The following CFAP418 variants were observed in gnomAD, a reference collection of about 807,000 sequenced individuals.
CFAP418 encodes cilia and flagella associated protein 418, also known as cilia- and flagella-associated protein 418.
Under a neutral mutation model 24.7 loss-of-function variants are expected in CFAP418, and 27 were observed. The ratio of observed to expected loss-of-function variants is 1.09; its 90% CI spans 0.81 to 1.51. The LOEUF (loss-of-function observed/expected upper bound fraction) is 1.51. CFAP418 is among the 40% of genes most tolerant of loss of function. CFAP418 has a pLI of 0.00. For missense variants in CFAP418, 257 were observed against 255.2 expected (o/e 1.01, Z -0.05); for synonymous variants, 74 against 87.3 (o/e 0.85, Z 0.85).
chr8:95,260,008 T>A (rs976349149), intron 3 of CFAP418, 103 bp from the exon 4 acceptor site: 1 of 799,830 alleles, frequency 1.3e-6, no homozygotes, highest in African/African-American at 1.8e-5. Context: ...GACTTTATGT[T>A]CTTGTAATCA....
chr8:95,266,865 G>A (rs1811990133), intron 1 of CFAP418, among the ~76,000 whole-genome samples: 1 of 152,216 alleles, frequency 6.6e-6, no homozygotes, highest in South Asian at 2.1e-4. Flanking sequence ...GAACAGGCAT[G>A]ACACAACCCA....
Position 95,246,604 on chromosome 8 carries a change from G to A in CFAP418, c.*1013C>T, listed in dbSNP as rs2132150766. On this transcript the variant is annotated 3_prime_UTR_variant, in exon 6 of 6. Transcript: ENST00000286688. ...GCTCCCAAAATCTCTCAATGGGGTT[G>A]GGAGCTAGAAATTTTGAGGGACCTG... 6.6e-6 allele frequency: 1 copy of A among 152,176 alleles called. No individual in the cohort carries two copies. The highest frequency in any genetic ancestry group is 2.4e-5 in the African/African-American group (1 of 41,442). 9.4% of individuals were successfully genotyped at this position (152,176 alleles called of 1,614,324 possible). A position where few individuals can be genotyped will look rare whatever the true frequency, so the allele number is the denominator to read the frequency against.
intron 3 of CFAP418, 44 bp downstream of exon 3, chr8:95,260,411 ATGCTCATAGTGTT>A (rs1811866600): frequency 8.1e-7 from 1 of 1,241,904 alleles, no homozygotes; most frequent in African/African-American, 1.6e-5. Flanking sequence ...CTACTAGACT[ATGCTCATAGTGTT>A]TGCTCAATAG....
At chr8:95,262,410 C>T (rs1200416514) in intron 2 of CFAP418, among the ~76,000 whole-genome samples, 1 of 152,150 alleles carries the variant, frequency 6.6e-6, no homozygotes, top group Admixed American at 6.5e-5. Context: ...CATATTCTTA[C>T]CACAACCATT....
At position 95,260,525 on chromosome 8, in the gene CFAP418, T is replaced by G. The variant is rs1811870016; in HGVS notation, c.251A>C (p.Lys84Thr). 2 of 1,580,068 alleles carry G rather than the reference T, an allele frequency of 1.3e-6. No individual in the cohort carries two copies. The highest frequency in any genetic ancestry group is 1.7e-6 in the Non-Finnish European group (2 of 1,168,820). ...PNLDKKPSKLKSKSSGNTSVR... is the reference protein window; with the variant it reads ...PNLDKKPSKLTSKSSGNTSVR... ...AGATGTGTTACCTGAAGATTTAGAT[T>G]TTAATTTCTGTTAAAAAAGCAAAAC... is the stretch of plus-strand genomic sequence containing the variant. The change falls in exon 3 of 6, where the codon AAA (lysine) becomes ACA (threonine). Residue 84 changes from lysine (K) to threonine (T), a missense_variant. Physicochemically the swap from Lys to Thr is moderately conservative, Grantham distance 78. Coordinates refer to ENST00000286688, the MANE Select transcript of CFAP418 (RefSeq NM_177965.4).
chr8:95,264,741 C>G (rs1314251204), intron 1 of CFAP418, among the ~76,000 whole-genome samples: 1 of 152,290 alleles, frequency 6.6e-6, no homozygotes, highest in East Asian at 1.9e-4. Flanking sequence ...CATAGGCCTT[C>G]TTCATTACAT....
At chr8:95,254,785 T>C (rs1811761635) in intron 4 of CFAP418, among the ~76,000 whole-genome samples, 1 of 152,168 alleles carries the variant, frequency 6.6e-6, no homozygotes, top group Non-Finnish European at 1.5e-5. Context: ...ATTCTTCCCA[T>C]ATTACATGGC....
chr8:95,268,844 G>A (rs1812074623), intron 1 of CFAP418, 191 bp downstream of exon 1: 2 of 602,844 alleles, frequency 3.3e-6, no homozygotes, highest in Admixed American at 5.5e-5. Context: ...TGAGTGAAGA[G>A]GTGCCAGAAT....
chr8:95,257,995 G>A (rs1811819148), intron 4 of CFAP418, among the ~76,000 whole-genome samples: 1 of 152,176 alleles, frequency 6.6e-6, no homozygotes, highest in Non-Finnish European at 1.5e-5. Context: ...GCAAGATGTG[G>A]AAGTGCAGGA....
chr8:95,268,923 G>A (rs1812083011), intron 1 of CFAP418, 112 bp downstream of exon 1: 8 of 1,183,190 alleles, frequency 6.8e-6, no homozygotes, highest in Admixed American at 4.4e-5. Context: ...CCTGATGCAA[G>A]GAGGGGCTGG....
chr8:95,261,626 C>A (rs1158228781), intron 2 of CFAP418, among the ~76,000 whole-genome samples: 1 of 151,434 alleles, frequency 6.6e-6, no homozygotes. Context: ...TTTTTTTTTC[C>A]CAATAAATGT....
chr8:95,247,916 C>T (rs1278106544), intron 5 of CFAP418, 146 bp from the exon 6 acceptor site: 1 of 816,522 alleles, frequency 1.2e-6, no homozygotes, highest in Non-Finnish European at 1.8e-6. Context: ...TGCGGTGGCA[C>T]AATCATGGCT....
In CFAP418 at chr8:95,258,339, G is replaced by A. The variant is rs555006471; in HGVS notation, c.374+1501C>T. On this transcript the variant is annotated intron_variant, in intron 4 of 5. Coordinates refer to ENST00000286688, the MANE Select transcript of CFAP418 (RefSeq NM_177965.4). ...GGAGCTTGCAGAGAGCCGAGACTGC[G>A]CCACTGCACTCCAGCCTGGGCGACA... 2.5e-4 allele frequency among the ~76,000 whole-genome samples: 33 copies of A among 133,498 alleles called. 1 individual carries two copies. The highest frequency in any genetic ancestry group is 4.9e-3 in the Middle Eastern group (1 of 204). 87.6% of individuals were successfully genotyped at this position (133,498 alleles called of 152,430 possible). A position where few individuals can be genotyped will look rare whatever the true frequency, so the allele number is the denominator to read the frequency against.
intron 3 of CFAP418, 47 bp downstream of exon 3, chr8:95,260,421 T>C: frequency 1.5e-6 from 2 of 1,305,472 alleles, no homozygotes; most frequent in South Asian, 2.6e-5. Flanking sequence ...ATGCTCATAG[T>C]GTTTGCTCAA....
chr8:95,264,022 A>G (rs1160417405), intron 1 of CFAP418, among the ~76,000 whole-genome samples: 1 of 152,228 alleles, frequency 6.6e-6, no homozygotes, highest in East Asian at 1.9e-4. Context: ...ATTTACAGCT[A>G]TATACATTAT....
chr8:95,250,560 G>A (rs536593518), intron 5 of CFAP418, among the ~76,000 whole-genome samples: 1 of 152,264 alleles, frequency 6.6e-6, no homozygotes, highest in East Asian at 1.9e-4. Context: ...GGTGACATAT[G>A]GGGATTATTA....
In CFAP418 at chr8:95,245,917, C is replaced by T. The variant is rs1229694476; in HGVS notation, c.*1700G>A. ...CTTCAATCGACATCCCCCTAGGTTT[C>T]TGACTCAATTACATATAGATATAAC... On this transcript the variant is annotated 3_prime_UTR_variant, in exon 6 of 6. Transcript: ENST00000286688. 1 of 151,992 alleles carries T rather than the reference C, an allele frequency of 6.6e-6. No individual in the cohort carries two copies. The highest frequency in any genetic ancestry group is 1.9e-4 in the East Asian group (1 of 5,192). 9.4% of individuals were successfully genotyped at this position (151,992 alleles called of 1,614,324 possible).
At chr8:95,249,029 AGG>A (rs1415365264) in intron 5 of CFAP418, among the ~76,000 whole-genome samples, 1 of 152,200 alleles carries the variant, frequency 6.6e-6, no homozygotes, top group Non-Finnish European at 1.5e-5. Context: ...GACTTAGCTA[AGG>A]GAAGAAATGA....
rs1262940228 is a variant in CFAP418 at position 95,269,070 on chromosome 8, G to C, written c.120C>G (p.Ser40Arg). ...PKGCGGGTHS[S>R]DRNQAKAKET... is the part of the protein sequence containing the mutation. ...CTTTCGCCTTGGCTTGGTTCCGGTCGCTACTGTGGGTGCCGCCGCCGCAGC... is the reference window on the plus strand; with the variant it reads ...CTTTCGCCTTGGCTTGGTTCCGGTCCCTACTGTGGGTGCCGCCGCCGCAGC... Residue 40 changes from serine (S) to arginine (R), a missense_variant, in exon 1 of 6, where the codon AGC becomes AGG. Coordinates refer to ENST00000286688, the MANE Select transcript of CFAP418 (RefSeq NM_177965.4). 3.5e-5 allele frequency: 56 copies of C among 1,614,028 alleles called. No individual in the cohort carries two copies. Among genetic ancestry groups the C allele is most frequent in the Admixed American group, 1.3e-4 (8 of 60,018 alleles).
Sources: allele counts gnomAD v4.1 joint callset (sites outside exome capture counted in the v4.1 genomes callset), GRCh38; gene constraint gnomAD v4.1.1; transcripts MANE v1.5; gene names NCBI Gene and HGNC (gene_info 2026-07-23, HGNC 2026-07-21).